GTSF1: variants seen among roughly 807,000 people sequenced by gnomAD.
GTSF1 encodes the protein gametocyte specific factor 1.
A neutral mutation model predicts 28.9 loss-of-function variants in GTSF1; 11 were observed. That is an observed-to-expected ratio of 0.38 (90% CI 0.24 to 0.63). GTSF1 has a LOEUF of 0.63. GTSF1 is among the 30% of genes least tolerant of loss of function. The pLI, the probability that GTSF1 is intolerant of heterozygous loss-of-function variation, is 0.56. For missense variants in GTSF1, 146 were observed against 201.0 expected, an observed-to-expected ratio of 0.73 and a Z score of 1.66; for synonymous variants, 69 against 65.6, an observed-to-expected ratio of 1.05 and a Z score of -0.25.
At chr12:54,456,622 C>T (rs1956335208) in intron 8 of GTSF1, among the ~76,000 whole-genome samples, 1 of 152,166 alleles carries the variant, frequency 6.6e-6, no homozygotes, top group African/African-American at 2.4e-5. Flanking sequence ...TTGATAAAAA[C>T]ATAAATAGGA....
At chr12:54,468,205 T>C (rs1018220438) in intron 2 of GTSF1, among the ~76,000 whole-genome samples, 3 of 151,460 alleles carry the variant, frequency 2.0e-5, no homozygotes, top group South Asian at 2.1e-4. Context: ...TCTTGGCTCA[T>C]TGCAACCTCT....
chr12:54,458,810 T>C (rs538565665), intron 8 of GTSF1, among the ~76,000 whole-genome samples: 1 of 144,850 alleles, frequency 6.9e-6, no homozygotes, highest in South Asian at 2.1e-4. Context: ...AGAGGCATGA[T>C]AGATCTAGAA....
intron 2 of GTSF1, among the ~76,000 whole-genome samples, chr12:54,469,542 G>T (rs556954051): frequency 6.6e-6 from 1 of 151,340 alleles, no homozygotes; most frequent in Non-Finnish European, 1.5e-5. Context: ...ATAAAAATTA[G>T]CCAGGCGTTG....
intron 1 of GTSF1, chr12:54,472,143 C>A (rs1271970548): frequency 8.2e-6 from 1 of 122,108 alleles, no homozygotes; most frequent in African/African-American, 3.5e-5. Context: ...AGGCAGGTTA[C>A]CAGTCTTGTT....
At chr12:54,466,334 A>G (rs1956512006) in intron 2 of GTSF1, among the ~76,000 whole-genome samples, 1 of 152,246 alleles carries the variant, frequency 6.6e-6, no homozygotes, top group African/African-American at 2.4e-5. Flanking sequence ...TGCTAGGAAA[A>G]TCAGAAGCCA....
Position 54,471,229 on chromosome 12 carries a change from A to G in GTSF1, c.16+4T>C. On this transcript the variant is annotated splice_donor_region_variant and intron_variant, in intron 2 of 8. Transcript: ENST00000305879. ...ATTTTCTAAAAGCAACAAGGAGTAC[A>G]TACTGTAAGTTTCTTCCATGTTGGA... 6.3e-7 allele frequency: 1 copy of G among 1,591,760 alleles called. No homozygotes were observed. Among genetic ancestry groups the G allele is most frequent in the African/African-American group, 1.4e-5 (1 of 73,970 alleles).
chr12:54,460,014 C>T (rs1956398713), intron 7 of GTSF1, among the ~76,000 whole-genome samples: 1 of 152,126 alleles, frequency 6.6e-6, no homozygotes, highest in African/African-American at 2.4e-5. Flanking sequence ...GCGTGAGCCA[C>T]CGCGCCCGGC....
intron 2 of GTSF1, among the ~76,000 whole-genome samples, chr12:54,467,182 G>A (rs1199163551): frequency 6.6e-6 from 1 of 152,100 alleles, no homozygotes; most frequent in East Asian, 1.9e-4. Flanking sequence ...GTTTTGGTGA[G>A]TCTGACTAGA....
At chr12:54,463,750 T>C (rs563430262) in intron 3 of GTSF1, among the ~76,000 whole-genome samples, 29 of 152,202 alleles carry the variant, frequency 1.9e-4, no homozygotes, top group Non-Finnish European at 3.4e-4. Context: ...TGCAATACAA[T>C]AGTGCTGGAA....
intron 8 of GTSF1, among the ~76,000 whole-genome samples, chr12:54,457,428 T>G (rs1956350616): frequency 2.0e-5 from 3 of 152,360 alleles, no homozygotes; most frequent in Middle Eastern, 3.4e-3. Context: ...TATCCAGGTC[T>G]GTTCAATGTA....
chr12:54,472,061 AC>A (rs1956601632), intron 1 of GTSF1: 1 of 151,846 alleles, frequency 6.6e-6, no homozygotes. Flanking sequence ...AAAACAAAAA[AC>A]CCCTTATACA....
At chr12:54,468,694 T>C (rs1956554582) in intron 2 of GTSF1, 1 of 152,150 alleles carries the variant, frequency 6.6e-6, no homozygotes, top group South Asian at 2.1e-4. Context: ...CTGACAAAAG[T>C]ATCATCAGCT....
At chr12:54,456,976 T>C (rs966280434) in intron 8 of GTSF1, among the ~76,000 whole-genome samples, 4 of 152,046 alleles carry the variant, frequency 2.6e-5, no homozygotes, top group African/African-American at 7.2e-5. Flanking sequence ...TCCCAGCTAT[T>C]TGGGAGGCTG....
At position 54,459,089 on chromosome 12, in the gene GTSF1, T is replaced by C; in HGVS notation, c.*20A>G. ...AGTGAAATAAAACTGAAACACTTACTTGATGAGATAGGTATTCAGTTACTG... is the reference window on the plus strand; with the variant it reads ...AGTGAAATAAAACTGAAACACTTACCTGATGAGATAGGTATTCAGTTACTG... On this transcript the variant is annotated splice_region_variant and 3_prime_UTR_variant, in exon 8 of 9. Transcript: ENST00000305879. 7 of 1,597,536 alleles carry C rather than the reference T, an allele frequency of 4.4e-6. No homozygotes were observed. Among genetic ancestry groups the C allele is most frequent in the East Asian group, 2.2e-5 (1 of 44,600 alleles).
chr12:54,466,719 A>G (rs1225288372), intron 2 of GTSF1: 3 of 151,756 alleles, frequency 2.0e-5, no homozygotes, highest in Non-Finnish European at 4.4e-5. Flanking sequence ...TGATAATGAG[A>G]GCTTCTCATT....
At chr12:54,464,591 AT>A (rs1025623653) in intron 3 of GTSF1, 2 of 152,326 alleles carry the variant, frequency 1.3e-5, no homozygotes, top group East Asian at 1.9e-4. Flanking sequence ...GTTATTTATT[AT>A]TTTTTTAAAG....
chr12:54,457,905 T>C (rs976511833), intron 8 of GTSF1, among the ~76,000 whole-genome samples: 1 of 152,200 alleles, frequency 6.6e-6, no homozygotes, highest in Admixed American at 6.5e-5. Context: ...ATAAGTATTA[T>C]TGTCTATAGC....
At chr12:54,465,044 T>C (rs1298311611) in intron 3 of GTSF1, 23 bp downstream of exon 3, 3 of 1,516,744 alleles carry the variant, frequency 2.0e-6, no homozygotes, top group East Asian at 2.3e-5. Context: ...AGGAGGGTGT[T>C]AGAGGGCAAA....
intron 2 of GTSF1, among the ~76,000 whole-genome samples, chr12:54,466,629 C>T (rs527477730): frequency 6.6e-6 from 1 of 152,088 alleles, no homozygotes; most frequent in Admixed American, 6.5e-5. Flanking sequence ...AATGTTAGGC[C>T]ATGTCAGCAG....
Sources: allele counts gnomAD v4.1 joint callset (sites outside exome capture counted in the v4.1 genomes callset), GRCh38; gene constraint gnomAD v4.1.1; transcripts MANE v1.5; gene names NCBI Gene and HGNC (gene_info 2026-07-23, HGNC 2026-07-21).